The following PLEKHM2 variants were observed in gnomAD, a reference collection of about 807,000 sequenced individuals.
PLEKHM2 encodes pleckstrin homology domain-containing family M member 2.
Under a neutral mutation model 116.3 loss-of-function variants are expected in PLEKHM2, and 77 were observed. The observed-to-expected ratio is 0.66, with a 90% CI of 0.55 to 0.80. The LOEUF (loss-of-function observed/expected upper bound fraction) is 0.80, where lower values mean the gene tolerates loss of function less well. Ranked by LOEUF, PLEKHM2 falls within the 30% of genes least tolerant of loss-of-function variation. The pLI, the probability that PLEKHM2 is intolerant of heterozygous loss-of-function variation, is 0.00. For missense variants in PLEKHM2, 1,183 were observed against 1,354.9 expected, an observed-to-expected ratio of 0.87 and a Z score of 1.99; for synonymous variants, 562 against 571.0, an observed-to-expected ratio of 0.98 and a Z score of 0.22.
intron 16 of PLEKHM2, among the ~76,000 whole-genome samples, chr1:15,731,592 C>T (rs938139255): frequency 2.0e-5 from 3 of 152,172 alleles, no homozygotes; most frequent in African/African-American, 2.4e-5. Flanking sequence ...TGAATGAATG[C>T]GGCCGATTCT....
At position 15,713,738 on chromosome 1, in the gene PLEKHM2, C is replaced by T. The variant is rs1191050367; in HGVS notation, c.61-2499C>T. 2.0e-5 allele frequency among the ~76,000 whole-genome samples: 3 copies of T among 151,712 alleles called. No individual in the cohort carries two copies. The East Asian group carries it at 5.8e-4, about 29-fold the overall frequency. ...GCAAGCTCCGCCTCCCGGGTTCCTG[C>T]CATTCTCCTGCCTCAGCCTCCCGAA... On this transcript the variant is annotated intron_variant, in intron 1 of 19. Transcript: ENST00000375799.
rs1179882467 is a variant in PLEKHM2, at chr1:15,732,032, A to G, written c.2609A>G (p.Gln870Arg). ...EMAEWMQHLCQAVSKGVIPQG... is the reference protein window; with the variant it reads ...EMAEWMQHLCRAVSKGVIPQG... ...GCCGAGTGGATGCAGCATCTCTGCC[A>G]GGCTGTGTCCAAAGGGGTGAGCTTC... is the stretch of plus-strand genomic sequence containing the variant. Residue 870 changes from glutamine to arginine, a missense_variant, in exon 17 of 20, where the codon CAG (glutamine) becomes CGG (arginine). Around this residue, in one of 3 missense-constraint regions of PLEKHM2, gnomAD observed 594 missense variants for 720.1 expected, o/e 0.82. Coordinates refer to ENST00000375799, the MANE Select transcript of PLEKHM2 (RefSeq NM_015164.4). 2.5e-6 allele frequency: 4 copies of G among 1,611,798 alleles called. No homozygotes were observed. The highest frequency in any genetic ancestry group is 2.2e-5 in the East Asian group (1 of 44,878).
chr1:15,730,039 G>C, intron 14 of PLEKHM2, 110 bp downstream of exon 14: 1 of 251,498 alleles, frequency 4.0e-6, no homozygotes, highest in Non-Finnish European at 6.8e-6. Context: ...TTTCACAATC[G>C]CCTACCTGGG....
intron 17 of PLEKHM2, 119 bp downstream of exon 17, chr1:15,732,167 G>A: frequency 9.5e-7 from 1 of 1,050,094 alleles, no homozygotes. Flanking sequence ...ACCTCCAGGG[G>A]GCAGCCCAGG....
chr1:15,704,650 C>T (rs1003860044), intron 1 of PLEKHM2, among the ~76,000 whole-genome samples: 5 of 152,212 alleles, frequency 3.3e-5, no homozygotes, highest in Admixed American at 6.5e-5. Flanking sequence ...TTTGCTGATG[C>T]GGGATCCACA....
At chr1:15,686,647 A>ATTTTTTTTTT (rs1361252513) in intron 1 of PLEKHM2, among the ~76,000 whole-genome samples, 3 of 140,876 alleles carry the variant, frequency 2.1e-5, no homozygotes, top group African/African-American at 6.0e-5. Flanking sequence ...CACCCGGCTA[A>ATTTTTTTTTT]ATTTTTTTTT....
intron 1 of PLEKHM2, among the ~76,000 whole-genome samples, chr1:15,704,118 A>T (rs1641172713): frequency 6.6e-6 from 1 of 151,926 alleles, no homozygotes; most frequent in Non-Finnish European, 1.5e-5. Context: ...TCATCCTCCC[A>T]CCATGGAGCA....
intron 2 of PLEKHM2, 71 bp downstream of exon 2, chr1:15,716,414 C>A: frequency 1.1e-6 from 1 of 923,040 alleles, no homozygotes; most frequent in South Asian, 1.5e-5. Flanking sequence ...CAGAGAAACC[C>A]TTAGCCTCTC....
chr1:15,706,392 ATTTG>A (rs59901434), intron 1 of PLEKHM2, among the ~76,000 whole-genome samples: 4 of 151,414 alleles, frequency 2.6e-5, no homozygotes, highest in South Asian at 4.2e-4. Flanking sequence ...TTGGCTCCTT[ATTTG>A]TTTGTTTGTT....
intron 1 of PLEKHM2, among the ~76,000 whole-genome samples, chr1:15,701,537 C>T (rs578242852): frequency 6.6e-6 from 1 of 152,288 alleles, no homozygotes; most frequent in Admixed American, 6.5e-5. Flanking sequence ...CGCCTGTAAT[C>T]CCAGCACTTT....
intron 1 of PLEKHM2, among the ~76,000 whole-genome samples, chr1:15,696,581 C>A (rs565260567): frequency 1.3e-5 from 2 of 152,008 alleles, no homozygotes; most frequent in African/African-American, 4.8e-5. Flanking sequence ...GAACTCCTGA[C>A]CTCAGGTGAT....
intron 3 of PLEKHM2, among the ~76,000 whole-genome samples, 170 bp downstream of exon 3, chr1:15,716,986 C>T (rs1245628090): frequency 6.6e-6 from 1 of 152,228 alleles, no homozygotes; most frequent in East Asian, 1.9e-4. Context: ...GGCATGGTGG[C>T]TCACACCTGT....
chr1:15,695,923 C>T (rs1185750981), intron 1 of PLEKHM2, among the ~76,000 whole-genome samples: 1 of 152,092 alleles, frequency 6.6e-6, no homozygotes, highest in Non-Finnish European at 1.5e-5. Context: ...TACCTCAGCC[C>T]TCCTGAATAG....
intron 1 of PLEKHM2, among the ~76,000 whole-genome samples, chr1:15,703,779 C>T (rs569980600): frequency 1.3e-5 from 2 of 152,296 alleles, no homozygotes; most frequent in South Asian, 4.1e-4. Context: ...GTGTACCACC[C>T]ACACTTCCCC....
upstream of PLEKHM2, among the ~76,000 whole-genome samples, chr1:15,683,744 G>A (rs1245689164): frequency 6.7e-6 from 1 of 149,158 alleles, no homozygotes; most frequent in Non-Finnish European, 1.5e-5. Context: ...AGTCCCTGGA[G>A]TCTGAGGGTG....
intron 1 of PLEKHM2, among the ~76,000 whole-genome samples, chr1:15,696,253 C>T (rs919685011): frequency 1.3e-5 from 2 of 152,184 alleles, no homozygotes; most frequent in Admixed American, 6.6e-5. Context: ...TTTTCCTTCT[C>T]CATGGTGTTG....
intron 16 of PLEKHM2, among the ~76,000 whole-genome samples, chr1:15,731,671 G>A (rs1479246002): frequency 3.3e-5 from 5 of 152,158 alleles, no homozygotes; most frequent in Non-Finnish European, 7.4e-5. Flanking sequence ...AGGATCTTGG[G>A]CATCCTGGAG....
In PLEKHM2 at chr1:15,734,118, C is replaced by T. The variant is rs908133971; in HGVS notation, c.*184C>T. On this transcript the variant is annotated 3_prime_UTR_variant, in exon 20 of 20. Transcript: ENST00000375799. ...CCAGGGATCCAGATCAGGTGCCCGG[C>T]ACCCCTGGGCATCCTGCCCGACAGG... 12 of 641,820 alleles carry T rather than the reference C, an allele frequency of 1.9e-5. No individual in the cohort carries two copies. In the Middle Eastern group the frequency reaches 1.3e-3, roughly 70 times the overall value. The allele number at this position is 641,820 out of a possible 1,614,324, so 39.8% of individuals were successfully genotyped here. A position where few individuals can be genotyped will look rare whatever the true frequency, so the allele number is the denominator to read the frequency against.
Position 15,728,150 on chromosome 1 carries a change from T to A in PLEKHM2, c.1830+2T>A, listed in dbSNP as rs1403123899. 1 of 1,610,236 alleles carries A rather than the reference T, an allele frequency of 6.2e-7. No individual in the cohort carries two copies. The highest frequency in any genetic ancestry group is 8.5e-7 in the Non-Finnish European group (1 of 1,178,048). On this transcript the variant is annotated splice_donor_variant, in intron 10 of 19. Transcript: ENST00000375799. LOFTEE classifies it high-confidence loss of function. The surrounding 1 kb of genome is among the most constrained non-coding windows in gnomAD (Gnocchi z 5.9). ...GAAAACGAAGAGCAGCTGTTCAAAG[T>A]AAGTCCTAGGAACTCAGGAGTGAGC...
Sources: allele counts gnomAD v4.1 joint callset (sites outside exome capture counted in the v4.1 genomes callset), GRCh38; gene constraint gnomAD v4.1.1; regional missense constraint gnomAD v4.1.1; non-coding constraint Gnocchi (gnomAD v3.1); transcripts MANE v1.5; gene names NCBI Gene and HGNC (gene_info 2026-07-23, HGNC 2026-07-21).